The following ALDH1L1 variants were observed in gnomAD, a reference collection of about 807,000 sequenced individuals.
ALDH1L1 encodes the protein aldehyde dehydrogenase 1 family member L1, also known as cytosolic 10-formyltetrahydrofolate dehydrogenase.
A neutral mutation model predicts 101.1 loss-of-function variants in ALDH1L1; 68 were observed. The observed-to-expected ratio is 0.67, with a 90% CI of 0.55 to 0.82. The LOEUF (loss-of-function observed/expected upper bound fraction) is 0.82. Ranked by LOEUF, ALDH1L1 falls within the 40% of genes least tolerant of loss-of-function variation. The pLI is 0.00. For missense variants in ALDH1L1, 1,087 were observed against 1,172.7 expected, an observed-to-expected ratio of 0.93 and a Z score of 1.07; for synonymous variants, 486 against 470.8, an observed-to-expected ratio of 1.03 and a Z score of -0.42.
At chr3:126,195,269 G>C (rs1009700682) in intron 1 of ALDH1L1, among the ~76,000 whole-genome samples, 2 of 152,114 alleles carry the variant, frequency 1.3e-5, no homozygotes, top group African/African-American at 2.4e-5. Context: ...CTTTAAAGCT[G>C]TTTTTATTTC....
intron 20 of ALDH1L1, 22 bp from the exon 21 acceptor site, chr3:126,107,268 G>T: frequency 6.3e-7 from 1 of 1,594,024 alleles, no homozygotes. Flanking sequence ...ATAAAAGCCC[G>T]TTGCACATGG....
chr3:126,196,167 G>T (rs2081580885), intron 1 of ALDH1L1, among the ~76,000 whole-genome samples: 2 of 152,120 alleles, frequency 1.3e-5, no homozygotes, highest in Non-Finnish European at 2.9e-5. Flanking sequence ...TGGATTACTG[G>T]GTTTAGGGTA....
chr3:126,193,756 A>G (rs1212570708), intron 1 of ALDH1L1, among the ~76,000 whole-genome samples: 1 of 152,264 alleles, frequency 6.6e-6, no homozygotes, highest in Non-Finnish European at 1.5e-5. Context: ...AATTTGAAGT[A>G]GACCATGCAT....
chr3:126,125,795 C>T (rs914274331), intron 14 of ALDH1L1, 74 bp from the exon 15 acceptor site: 7 of 1,108,490 alleles, frequency 6.3e-6, no homozygotes, highest in East Asian at 3.0e-5. Context: ...ATTCCCTCCA[C>T]CTCACCCAGG....
chr3:126,153,612 G>A (rs2080850562), intron 6 of ALDH1L1, 31 bp from the exon 7 acceptor site: 2 of 1,598,614 alleles, frequency 1.3e-6, no homozygotes, highest in Non-Finnish European at 8.5e-7. Flanking sequence ...AGAAGATGGT[G>A]GGTGAGAAGA....
intron 7 of ALDH1L1, chr3:126,150,766 G>T: frequency 2.6e-6 from 1 of 382,128 alleles, no homozygotes; most frequent in Non-Finnish European, 4.9e-6. Context: ...CACCACATTG[G>T]TCAGGCTGGT....
chr3:126,153,078 C>T, intron 7 of ALDH1L1: 1 of 353,502 alleles, frequency 2.8e-6, no homozygotes, highest in Non-Finnish European at 5.5e-6. Flanking sequence ...GCTTAATGAC[C>T]CCACACCCAG....
At chr3:126,145,742 A>G (rs2080661290) in intron 9 of ALDH1L1, among the ~76,000 whole-genome samples, 2 of 152,206 alleles carry the variant, frequency 1.3e-5, no homozygotes, top group African/African-American at 4.8e-5. Flanking sequence ...AGTTCTAAAG[A>G]TCTGCTGACC....
chr3:126,133,971 G>A (rs1019156944), intron 12 of ALDH1L1, among the ~76,000 whole-genome samples: 8 of 152,126 alleles, frequency 5.3e-5, no homozygotes, highest in Non-Finnish European at 1.2e-4. Context: ...AGGAGTTCAG[G>A]GGACTGCCTA....
At chr3:126,134,247 G>C (rs1202937111) in intron 12 of ALDH1L1, among the ~76,000 whole-genome samples, 1 of 152,164 alleles carries the variant, frequency 6.6e-6, no homozygotes, top group African/African-American at 2.4e-5. Context: ...CATAGGACAG[G>C]AAGGGGTCCA....
chr3:126,170,003 C>G (rs1217182058), intron 1 of ALDH1L1, among the ~76,000 whole-genome samples: 3 of 152,070 alleles, frequency 2.0e-5, no homozygotes, highest in Non-Finnish European at 4.4e-5. Flanking sequence ...ATATTCAAGT[C>G]AAAGCCTAAA....
intron 4 of ALDH1L1, chr3:126,156,786 G>C (rs978063624): frequency 1.3e-5 from 2 of 152,270 alleles, no homozygotes; most frequent in Non-Finnish European, 2.9e-5. Flanking sequence ...ATTGGCTCAT[G>C]AGGATCACAT....
In ALDH1L1 at chr3:126,157,469, G is replaced by A. The variant is rs200607977; in HGVS notation, c.402C>T (p.Ile134=). Residue 134 remains isoleucine, a synonymous_variant, in exon 4 of 23, where the codon ATC becomes ATT. Coordinates refer to ENST00000393434, the MANE Select transcript of ALDH1L1 (RefSeq NM_012190.4). ...TGTCCAGACCATCATCCGCCCAGAA[G>A]ATGGAAAACCCCCCTTTCTTATCTC... is the stretch of plus-strand genomic sequence containing the variant. The part of the protein sequence containing the change: ...IHGDKKGGFS[I]FWADDGLDTG... 1.2e-6 allele frequency: 2 copies of A among 1,613,996 alleles called. No homozygotes were observed. The highest frequency in any genetic ancestry group is 1.3e-5 in the African/African-American group (1 of 74,912).
In ALDH1L1 at chr3:126,137,815, A is replaced by G. The variant is rs2080480421; in HGVS notation, c.1222T>C (p.Tyr408His). The G allele has an allele frequency of 6.2e-7, 1 of 1,613,740 alleles. No homozygotes were observed. The highest frequency in any genetic ancestry group is 8.5e-7 in the Non-Finnish European group (1 of 1,179,864). ...DDEEGECSID[Y>H]VEMAVNKRTV... ...TGCAGGGAGGGCCCAGCACTCACGTAGTCAATGCTGCACTCGCCCTCCTCA... is the reference window on the plus strand; with the variant it reads ...TGCAGGGAGGGCCCAGCACTCACGTGGTCAATGCTGCACTCGCCCTCCTCA... Residue 408 changes from tyrosine (Y) to histidine (H), a missense_variant and splice_region_variant, in exon 10 of 23, where the codon TAC becomes CAC. Tyr to His is a moderately conservative substitution (Grantham distance 83). Transcript: ENST00000393434.
chr3:126,186,497 G>A (rs2081519291), upstream of ALDH1L1, among the ~76,000 whole-genome samples: 1 of 65,438 alleles, frequency 1.5e-5, no homozygotes, highest in Admixed American at 1.4e-4. Context: ...CCCTGAACCT[G>A]ACCCTGACCC....
chr3:126,187,712 T>G (rs1324234348), intron 1 of ALDH1L1, among the ~76,000 whole-genome samples: 7 of 152,136 alleles, frequency 4.6e-5, no homozygotes, highest in Admixed American at 4.6e-4. Context: ...AGTCTTGGAC[T>G]GCAGATTCTG....
intron 1 of ALDH1L1, among the ~76,000 whole-genome samples, chr3:126,163,992 A>G (rs974306393): frequency 6.6e-6 from 1 of 151,992 alleles, no homozygotes; most frequent in Non-Finnish European, 1.5e-5. Flanking sequence ...ATAGCTGGAC[A>G]TGGTAGTACG....
At chr3:126,145,125 G>A (rs1216961058) in intron 9 of ALDH1L1, among the ~76,000 whole-genome samples, 1 of 152,140 alleles carries the variant, frequency 6.6e-6, no homozygotes, top group African/African-American at 2.4e-5. Flanking sequence ...AAACTACAAT[G>A]AGATACCATC....
rs1014182554 is a variant in ALDH1L1 at position 126,175,423 on chromosome 3, A to T, written c.-24+5053T>A. ...AGAAACATTACAAGAAAGGAAACTAACAGATCAATATTTCTCATAAACATA... is the reference window on the plus strand; with the variant it reads ...AGAAACATTACAAGAAAGGAAACTATCAGATCAATATTTCTCATAAACATA... On this transcript the variant is annotated intron_variant, in intron 1 of 22. Coordinates refer to ENST00000393434, the MANE Select transcript of ALDH1L1 (RefSeq NM_012190.4). Among the ~76,000 whole-genome samples, 7 of 152,166 alleles carry T rather than the reference A, an allele frequency of 4.6e-5. No homozygotes were observed. The South Asian group carries it at 1.4e-3, about 31-fold the overall frequency.
Sources: gnomAD v4.1 joint callset for allele counts (sites outside exome capture counted in the v4.1 genomes callset) on GRCh38, gnomAD v4.1.1 for gene constraint, MANE v1.5 for transcripts, NCBI Gene and HGNC (gene_info 2026-07-23, HGNC 2026-07-21) for gene names.